Variants in DNAH14 observed in about 807,000 individuals in gnomAD.
DNAH14 encodes the protein axonemal beta dynein heavy chain 14.
A neutral mutation model predicts 520.9 loss-of-function variants in DNAH14; 478 were observed. The ratio of observed to expected loss-of-function variants is 0.92; its 90% CI spans 0.85 to 0.99. DNAH14 has a LOEUF of 0.99. DNAH14 is among the 50% of genes least tolerant of loss of function. The pLI, the probability that DNAH14 is intolerant of heterozygous loss-of-function variation, is 0.00. For synonymous variants in DNAH14, 1,581 were observed against 1,757.2 expected (o/e 0.90, Z 2.51); for missense variants, 4,831 against 5,234.5 (o/e 0.92, Z 2.38).
At chr1:225,023,923 C>T in intron 11 of DNAH14, 58 bp downstream of exon 11, 1 of 1,466,686 alleles carries the variant, frequency 6.8e-7, no homozygotes, top group Non-Finnish European at 9.1e-7. Context: ...TTAACATTGC[C>T]ACATATGGAG....
At chr1:225,040,058 C>T (rs1220670702) in intron 12 of DNAH14, among the ~76,000 whole-genome samples, 1 of 150,494 alleles carries the variant, frequency 6.6e-6, no homozygotes, top group African/African-American at 2.4e-5. Flanking sequence ...CTGCCTCAGC[C>T]TCCCGAGTAG....
intron 38 of DNAH14, among the ~76,000 whole-genome samples, chr1:225,193,566 A>T (rs1054241667): frequency 6.6e-6 from 1 of 152,000 alleles, no homozygotes; most frequent in Non-Finnish European, 1.5e-5. Context: ...GTTAATAAAG[A>T]TTTTTTAAAT....
intron 46 of DNAH14, among the ~76,000 whole-genome samples, chr1:225,260,635 TG>T (rs1210673154): frequency 1.3e-5 from 2 of 152,270 alleles, no homozygotes; most frequent in South Asian, 4.1e-4. Context: ...AAGATTGCTT[TG>T]GCTATTCGGG....
At chr1:225,107,259 T>C (rs186877572) in intron 23 of DNAH14, among the ~76,000 whole-genome samples, 26 of 152,320 alleles carry the variant, frequency 1.7e-4, no homozygotes, top group African/African-American at 6.0e-4. Context: ...GAGGAGTACC[T>C]GGCCGTGTGA....
At chr1:225,209,030 C>A (rs2087977633) in intron 41 of DNAH14, among the ~76,000 whole-genome samples, 1 of 152,078 alleles carries the variant, frequency 6.6e-6, no homozygotes, top group Admixed American at 6.6e-5. Context: ...ACATTTTAAT[C>A]ATAGTTTTTT....
intron 72 of DNAH14, among the ~76,000 whole-genome samples, chr1:225,352,246 A>C (rs183628215): frequency 6.6e-6 from 1 of 152,266 alleles, no homozygotes; most frequent in East Asian, 1.9e-4. Flanking sequence ...CCTTAAATTC[A>C]AATGACTTAC....
chr1:225,377,214 C>T, intron 78 of DNAH14, 23 bp from the exon 79 acceptor site: 6 of 1,372,318 alleles, frequency 4.4e-6, no homozygotes, highest in Non-Finnish European at 5.7e-6. Context: ...AAGAAAAAAG[C>T]TAACAAAATG....
chr1:225,335,912 T>C (rs2095021292), intron 66 of DNAH14, among the ~76,000 whole-genome samples: 1 of 143,758 alleles, frequency 7.0e-6, no homozygotes, highest in African/African-American at 2.5e-5. Flanking sequence ...TATGCATGTA[T>C]GTATATATGC....
chr1:225,321,508 A>G (rs1376435444), intron 61 of DNAH14, among the ~76,000 whole-genome samples: 1 of 152,154 alleles, frequency 6.6e-6, no homozygotes, highest in Non-Finnish European at 1.5e-5. Flanking sequence ...CATGCATATA[A>G]AGTTGGCTTG....
At chr1:225,079,774 C>T (rs949263172) in intron 18 of DNAH14, among the ~76,000 whole-genome samples, 7 of 149,466 alleles carry the variant, frequency 4.7e-5, no homozygotes, top group Admixed American at 3.4e-4. Context: ...CCCGGGTTCA[C>T]GCCATTCTCC....
At chr1:225,089,900 G>T (rs182610969) in intron 21 of DNAH14, among the ~76,000 whole-genome samples, 184 of 152,200 alleles carry the variant, frequency 1.2e-3, no homozygotes, top group Non-Finnish European at 2.0e-3. Context: ...CTAAGATCAA[G>T]AATAAGGATG....
At chr1:225,379,717 G>A (rs771174506) in intron 79 of DNAH14, among the ~76,000 whole-genome samples, 5 of 152,024 alleles carry the variant, frequency 3.3e-5, no homozygotes, top group Non-Finnish European at 5.9e-5. Flanking sequence ...TAGAGACAGG[G>A]TTTTACCATG....
At chr1:225,120,528 C>T (rs972710695) in intron 26 of DNAH14, among the ~76,000 whole-genome samples, 2 of 152,166 alleles carry the variant, frequency 1.3e-5, no homozygotes, top group Admixed American at 6.5e-5. Flanking sequence ...GGGCTGTTGC[C>T]GGTTTTGTTT....
At chr1:224,945,931 G>C (rs1031527585) in intron 1 of DNAH14, among the ~76,000 whole-genome samples, 1 of 152,296 alleles carries the variant, frequency 6.6e-6, no homozygotes, top group African/African-American at 2.4e-5. Flanking sequence ...GGCTACTCGG[G>C]GGTCAGGGAA....
At chr1:224,991,976 A>G (rs1469257349) in intron 8 of DNAH14, among the ~76,000 whole-genome samples, 1 of 152,176 alleles carries the variant, frequency 6.6e-6, no homozygotes, top group African/African-American at 2.4e-5. Flanking sequence ...TTTCCCCAAC[A>G]CTATTTATTG....
rs1166689100 is a variant in DNAH14 at position 225,240,582 on chromosome 1, G to A, written c.6519-11G>A. On this transcript the variant is annotated splice_polypyrimidine_tract_variant and intron_variant, in intron 42 of 85. Coordinates refer to ENST00000682510, the MANE Select transcript of DNAH14 (RefSeq NM_001367479.1). ...TGTTAACCTTCATCCTTCCATACCT[G>A]TCTACCCCAGGGATGAAAATACATG... 3 of 1,490,154 alleles carry A rather than the reference G, an allele frequency of 2.0e-6. No individual in the cohort carries two copies. In the East Asian group the frequency reaches 7.4e-5, roughly 37 times the overall value. The allele number at this position is 1,490,154 out of a possible 1,614,324, so 92.3% of individuals were successfully genotyped here.
At chr1:225,295,079 G>A (rs2093978225) in intron 55 of DNAH14, among the ~76,000 whole-genome samples, 1 of 151,666 alleles carries the variant, frequency 6.6e-6, no homozygotes, top group African/African-American at 2.4e-5. Context: ...AGTAATCCTG[G>A]GTATTTCTAT....
Position 225,176,178 on chromosome 1 carries a change from T to A in DNAH14, c.5535+8150T>A, listed in dbSNP as rs533484750. Among the ~76,000 whole-genome samples, 11 of 152,336 alleles carry A rather than the reference T, an allele frequency of 7.2e-5. No homozygotes were observed. In the East Asian group the frequency reaches 7.7e-4, roughly 11 times the overall value. On this transcript the variant is annotated intron_variant, in intron 36 of 85. Transcript: ENST00000682510. Reference sequence around the variant, plus strand: ...TTTTCATTTCTCTCAAGGAATTTTTTAAATTATTTTTTAATTTTTTTCATT... The same window carrying A: ...TTTTCATTTCTCTCAAGGAATTTTTAAAATTATTTTTTAATTTTTTTCATT...
At chr1:225,172,873 C>A (rs1231091277) in intron 36 of DNAH14, among the ~76,000 whole-genome samples, 5 of 152,058 alleles carry the variant, frequency 3.3e-5, no homozygotes, top group African/African-American at 7.2e-5. Context: ...ACAAGGCTAC[C>A]ATAACCAAAG....
Sources: allele counts gnomAD v4.1 joint callset (sites outside exome capture counted in the v4.1 genomes callset), GRCh38; gene constraint gnomAD v4.1.1; transcripts MANE v1.5; gene names NCBI Gene and HGNC (gene_info 2026-07-23, HGNC 2026-07-21).